NAV2: variants seen among roughly 807,000 people sequenced by gnomAD.
NAV2 encodes the protein neuron navigator 2, also known as helicase, APC down-regulated 1.
NAV2 carries 54 observed loss-of-function variants against 223.2 expected under a neutral mutation model. The observed-to-expected ratio is 0.24, with a 90% confidence interval of 0.19 to 0.30. The LOEUF (loss-of-function observed/expected upper bound fraction) is 0.30. NAV2 is among the 10% of genes least tolerant of loss of function. The pLI is 1.00. For synonymous variants in NAV2, 1,279 were observed against 1,239.3 expected, an observed-to-expected ratio of 1.03 and a Z score of -0.67; for missense variants, 2,806 against 3,147.5, an observed-to-expected ratio of 0.89 and a Z score of 2.60.
intron 1 of NAV2, among the ~76,000 whole-genome samples, chr11:19,831,452 G>A (rs1024925542): frequency 4.6e-5 from 7 of 152,062 alleles, no homozygotes; most frequent in Non-Finnish European, 1.0e-4. Flanking sequence ...TCACTAACCA[G>A]TTGAGGCAGG....
intron 1 of NAV2, among the ~76,000 whole-genome samples, chr11:19,681,237 GT>G (rs2048873176): frequency 1.3e-5 from 2 of 152,322 alleles, no homozygotes; most frequent in South Asian, 4.1e-4. Flanking sequence ...TTCTTCATAT[GT>G]TTTGTCCTAA....
At chr11:19,599,432 T>G (rs2046297368) in intron 1 of NAV2, among the ~76,000 whole-genome samples, 1 of 152,218 alleles carries the variant, frequency 6.6e-6, no homozygotes, top group South Asian at 2.1e-4. Context: ...GAGGTTCATT[T>G]GGAAAATTGT....
At chr11:19,783,413 G>A (rs573936487) in intron 1 of NAV2, among the ~76,000 whole-genome samples, 1 of 152,178 alleles carries the variant, frequency 6.6e-6, no homozygotes, top group Admixed American at 6.5e-5. Flanking sequence ...CCAATTTCAC[G>A]CTTCTTCCAT....
At chr11:19,373,632 TG>T (rs1268411280) in intron 1 of NAV2, among the ~76,000 whole-genome samples, 4 of 152,194 alleles carry the variant, frequency 2.6e-5, no homozygotes, top group African/African-American at 9.6e-5. Context: ...GTTTTTTGTT[TG>T]TTTGTTTTTT....
intron 2 of NAV2, among the ~76,000 whole-genome samples, chr11:19,834,428 T>C (rs962034320): frequency 2.0e-5 from 3 of 152,250 alleles, no homozygotes; most frequent in Non-Finnish European, 4.4e-5. Context: ...ATGCTTAACT[T>C]AGTGCGGGGC....
rs554956110 is a variant in NAV2, at chr11:19,581,917, C to A, written c.75+230890C>A. Reference sequence around the variant, plus strand: ...GCTGGGTCAAATGGTATTTCTAGTTCTAGATCCATGAGGAATTGCCACACT... The same window carrying A: ...GCTGGGTCAAATGGTATTTCTAGTTATAGATCCATGAGGAATTGCCACACT... On this transcript the variant is annotated intron_variant, in intron 1 of 37. Coordinates refer to the NAV2 transcript ENST00000360655. Among the ~76,000 whole-genome samples the A allele has an allele frequency of 4.9e-3, 752 of 152,286 alleles. 1 individual carries two copies. Among genetic ancestry groups the A allele is most frequent in the Non-Finnish European group, 9.2e-3 (625 of 68,022 alleles).
intron 10 of NAV2, among the ~76,000 whole-genome samples, chr11:19,979,457 C>T (rs961142586): frequency 6.6e-6 from 1 of 152,108 alleles, no homozygotes; most frequent in African/African-American, 2.4e-5. Flanking sequence ...CTGAACATAC[C>T]TTCCCCTCTG....
intron 1 of NAV2, among the ~76,000 whole-genome samples, chr11:19,533,197 G>A (rs976758952): frequency 4.0e-5 from 6 of 150,622 alleles, no homozygotes; most frequent in East Asian, 2.0e-4. Context: ...AGTGTAGACC[G>A]GGGTTTCTTA....
At chr11:19,964,138 A>T (rs2048560251) in intron 10 of NAV2, among the ~76,000 whole-genome samples, 1 of 152,128 alleles carries the variant, frequency 6.6e-6, no homozygotes, top group Admixed American at 6.5e-5. Context: ...AATTAAAACC[A>T]CTCAACCATT....
At chr11:19,773,897 T>A (rs1277224582) in intron 1 of NAV2, among the ~76,000 whole-genome samples, 2 of 152,216 alleles carry the variant, frequency 1.3e-5, no homozygotes, top group Non-Finnish European at 2.9e-5. Flanking sequence ...TTCTTGCTGT[T>A]ACTAGGTCTT....
intron 1 of NAV2, among the ~76,000 whole-genome samples, chr11:19,541,277 A>G (rs2134532773): frequency 6.6e-6 from 1 of 152,334 alleles, no homozygotes; most frequent in Non-Finnish European, 1.5e-5. Context: ...ATCTTCCGGC[A>G]TCTACTATCC....
chr11:19,747,163 G>A (rs1457116268), intron 1 of NAV2, among the ~76,000 whole-genome samples: 10 of 149,672 alleles, frequency 6.7e-5, no homozygotes, highest in Non-Finnish European at 1.0e-4. Context: ...TTGTCCTTGC[G>A]ATAGTTTGCT....
chr11:19,518,432 A>G (rs1334870998), intron 1 of NAV2: 1 of 152,242 alleles, frequency 6.6e-6, no homozygotes, highest in Non-Finnish European at 1.5e-5. Flanking sequence ...CACACCTGCC[A>G]TCTCTCTGTG....
chr11:19,502,796 T>C (rs915720589), intron 1 of NAV2: 1 of 152,224 alleles, frequency 6.6e-6, no homozygotes, highest in Non-Finnish European at 1.5e-5. Flanking sequence ...AACACCTACA[T>C]GCAGCCACAT....
intron 1 of NAV2, among the ~76,000 whole-genome samples, chr11:19,609,152 T>G (rs1409545363): frequency 6.6e-6 from 1 of 152,222 alleles, no homozygotes; most frequent in Non-Finnish European, 1.5e-5. Context: ...GTCGCAGACA[T>G]CTCTAGATGG....
chr11:19,937,267 T>G (rs939381827), intron 7 of NAV2, among the ~76,000 whole-genome samples: 8 of 152,170 alleles, frequency 5.3e-5, no homozygotes, highest in African/African-American at 1.7e-4. Context: ...TTAGATTAGA[T>G]TCTATAAAAT....
intron 1 of NAV2, among the ~76,000 whole-genome samples, chr11:19,611,080 G>A (rs1253759504): frequency 6.6e-6 from 1 of 152,178 alleles, no homozygotes; most frequent in African/African-American, 2.4e-5. Flanking sequence ...CATGGTGGAA[G>A]GTGAAATGTG....
intron 1 of NAV2, among the ~76,000 whole-genome samples, chr11:19,366,729 G>A (rs1017918598): frequency 6.6e-6 from 1 of 152,132 alleles, no homozygotes; most frequent in African/African-American, 2.4e-5. Flanking sequence ...ACTTTTCAGG[G>A]AATTTTTTTT....
chr11:19,869,388 C>T (rs930917098), intron 4 of NAV2, among the ~76,000 whole-genome samples: 1 of 152,228 alleles, frequency 6.6e-6, no homozygotes, highest in African/African-American at 2.4e-5. Flanking sequence ...GGGAAAAATG[C>T]TTAATCCTTA....
Sources: allele counts gnomAD v4.1 joint callset (sites outside exome capture counted in the v4.1 genomes callset), GRCh38; gene constraint gnomAD v4.1.1; transcripts MANE v1.5; gene names NCBI Gene and HGNC (gene_info 2026-07-23, HGNC 2026-07-21).